ASB14: variants seen among roughly 807,000 people sequenced by gnomAD.
ASB14 encodes the protein ankyrin repeat and SOCS box containing 14, also known as ankyrin repeat and SOCS box protein 14.
In ASB14, 63 loss-of-function variants were observed where a neutral mutation model predicts 55.6. The observed-to-expected ratio is 1.13, with a 90% CI of 0.92 to 1.40. The LOEUF (loss-of-function observed/expected upper bound fraction) is 1.40. Among genes scored for constraint, ASB14 ranks in the 40% most tolerant of loss-of-function variants. The pLI is 0.00. For synonymous variants in ASB14, 256 were observed against 259.9 expected, an observed-to-expected ratio of 0.98 and a Z score of 0.15; for missense variants, 724 against 710.4, an observed-to-expected ratio of 1.02 and a Z score of -0.22.
At chr3:57,291,612 A>T (rs922211365) in intron 2 of ASB14, among the ~76,000 whole-genome samples, 1 of 151,970 alleles carries the variant, frequency 6.6e-6, no homozygotes, top group African/African-American at 2.4e-5. Context: ...CAAAGACAAG[A>T]TGTATTAGTT....
At chr3:57,283,095 T>G in intron 6 of ASB14, 99 bp downstream of exon 6, 3 of 1,422,854 alleles carry the variant, frequency 2.1e-6, no homozygotes, top group Non-Finnish European at 2.8e-6. Context: ...ATATTAGGCT[T>G]AAATGTTAAC....
intron 5 of ASB14, among the ~76,000 whole-genome samples, chr3:57,286,339 G>C (rs888945546): frequency 1.3e-5 from 2 of 151,448 alleles, no homozygotes; most frequent in Admixed American, 1.3e-4. Flanking sequence ...AAGTAGAAAA[G>C]TTTAATTCCA....
rs113323159 is a variant in ASB14 at position 57,289,523 on chromosome 3, A to C, written c.123-400T>G. Among the ~76,000 whole-genome samples the C allele has an allele frequency of 9.8e-3, 1,497 of 152,298 alleles. 17 individuals are homozygous for C. Among genetic ancestry groups the C allele is most frequent in the African/African-American group, 0.034 (1,427 of 41,562 alleles). On this transcript the variant is annotated intron_variant, in intron 2 of 10. Coordinates refer to ENST00000487349, the MANE Select transcript of ASB14 (RefSeq NM_001142733.3). ...ATTCTAGCAGAAACTATTTTAAAAAATAGTAAATAAAAATGGTGTCAGTAT... is the reference window on the plus strand; with the variant it reads ...ATTCTAGCAGAAACTATTTTAAAAACTAGTAAATAAAAATGGTGTCAGTAT...
chr3:57,275,630 G>A (rs2060979678), intron 10 of ASB14, among the ~76,000 whole-genome samples: 1 of 152,130 alleles, frequency 6.6e-6, no homozygotes, highest in African/African-American at 2.4e-5. Flanking sequence ...TGCATGTACA[G>A]TTGTATGTTG....
At chr3:57,279,036 C>G in intron 7 of ASB14, 116 bp from the exon 8 acceptor site, 1 of 959,096 alleles carries the variant, frequency 1.0e-6, no homozygotes, top group South Asian at 1.8e-5. Context: ...GCATTTAGAA[C>G]CCACAACCAA....
chr3:57,277,733 T>C (rs2061001130), intron 9 of ASB14, 34 bp downstream of exon 9: 1 of 1,559,480 alleles, frequency 6.4e-7, no homozygotes, highest in East Asian at 2.3e-5. Flanking sequence ...ATTAGTACTT[T>C]TGTAAAAAGT....
At chr3:57,290,054 C>T (rs1423923309) in intron 2 of ASB14, among the ~76,000 whole-genome samples, 1 of 152,160 alleles carries the variant, frequency 6.6e-6, no homozygotes, top group African/African-American at 2.4e-5. Context: ...AACATTTAAA[C>T]CTGCATTCAT....
chr3:57,277,979 T>A, intron 8 of ASB14, 59 bp from the exon 9 acceptor site: 1 of 1,462,734 alleles, frequency 6.8e-7, no homozygotes, highest in Non-Finnish European at 9.4e-7. Context: ...TATCTATGGT[T>A]TAGCATAGTA....
rs149757327 is a variant in ASB14, at chr3:57,279,007, TAGTATC to T, written c.888-93_888-88del. On this transcript the variant is annotated intron_variant, in intron 7 of 10. Coordinates refer to ENST00000487349, the MANE Select transcript of ASB14 (RefSeq NM_001142733.3). Reference sequence around the variant, plus strand: ...ATTATTGTTTTATAGCAATACTAGATAGTATCAGTATTCAGGGGGCATTTAGAACCC... The same window carrying T: ...ATTATTGTTTTATAGCAATACTAGATAGTATTCAGGGGGCATTTAGAACCC... The T allele has an allele frequency of 1.5e-3, 1,900 of 1,271,192 alleles. 18 individuals are homozygous for T. In the African/African-American group the frequency reaches 0.023, roughly 15 times the overall value. The allele number at this position is 1,271,192 out of a possible 1,614,324, so 78.7% of individuals were successfully genotyped here.
At chr3:57,276,874 T>G (rs2060993329) in intron 9 of ASB14, 146 bp from the exon 10 acceptor site, 1 of 709,816 alleles carries the variant, frequency 1.4e-6, no homozygotes, top group Non-Finnish European at 2.3e-6. Flanking sequence ...CAGTTCTTAT[T>G]GCAATCCTTG....
chr3:57,274,942 C>CTATT (rs745361608), intron 10 of ASB14, among the ~76,000 whole-genome samples: 37 of 152,136 alleles, frequency 2.4e-4, no homozygotes, highest in Non-Finnish European at 4.9e-4. Flanking sequence ...ATTGAGGGTT[C>CTATT]TATTTCAATT....
intron 5 of ASB14, among the ~76,000 whole-genome samples, chr3:57,284,122 G>GTGTGTGTGTGTGTGTGTGTA (rs945228754): frequency 2.7e-5 from 4 of 150,708 alleles, no homozygotes; most frequent in Non-Finnish European, 4.4e-5. Context: ...GTGTGTGTGT[G>GTGTGTGTGTGTGTGTGTGTA]TGTATGTATG....
chr3:57,279,163 T>C (rs1298092257), intron 7 of ASB14, among the ~76,000 whole-genome samples: 1 of 151,800 alleles, frequency 6.6e-6, no homozygotes, highest in Non-Finnish European at 1.5e-5. Flanking sequence ...TCCCATATTG[T>C]CTAAGTACCT....
rs886963636 is a variant in ASB14 at position 57,287,918 on chromosome 3, T to C, written c.452A>G (p.Asn151Ser). 4.5e-5 allele frequency: 69 copies of C among 1,537,076 alleles called. No individual in the cohort carries two copies. The highest frequency in any genetic ancestry group is 5.6e-5 in the Non-Finnish European group (64 of 1,146,870). Residue 151 changes from asparagine (N) to serine (S), a missense_variant, in exon 5 of 11, where the codon AAT becomes AGT. Coordinates refer to ENST00000487349, the MANE Select transcript of ASB14 (RefSeq NM_001142733.3). ...TCATTTACCTGCAAGAAGAGGAGAA[T>C]TGCCTTCGAAATTCTTAGCATTTGG... The part of the protein sequence containing the change: ...CNPNAKNFEG[N>S]SPLLAAVLRD...
At chr3:57,286,262 C>G (rs1183125365) in intron 5 of ASB14, among the ~76,000 whole-genome samples, 1 of 149,948 alleles carries the variant, frequency 6.7e-6, no homozygotes, top group African/African-American at 2.4e-5. Flanking sequence ...TGAGTCTTCC[C>G]TAGTGACTTG....
chr3:57,270,938 T>A (rs2060933450), intron 10 of ASB14: 1 of 152,174 alleles, frequency 6.6e-6, no homozygotes, highest in Admixed American at 6.5e-5. Context: ...CTATTGTTTA[T>A]GTTAAACCTT....
At position 57,269,628 on chromosome 3, in the gene ASB14, A is replaced by G. The variant is rs749126134; in HGVS notation, c.*23-10T>C. ...GGGGCAGTTTGTTGTCCTTAGCAGT[A>G]GCCAGTCAGAAGAGAGTGATTTGGG... On this transcript the variant is annotated splice_polypyrimidine_tract_variant and intron_variant, in intron 10 of 10. Transcript: ENST00000487349. 6 of 1,614,140 alleles carry G rather than the reference A, an allele frequency of 3.7e-6. No individual in the cohort carries two copies. Among genetic ancestry groups the G allele is most frequent in the Non-Finnish European group, 5.1e-6 (6 of 1,180,002 alleles).
In ASB14 at chr3:57,288,058, A is replaced by C. The variant is rs553625863; in HGVS notation, c.312T>G (p.Ala104=). The C allele has an allele frequency of 7.8e-6, 12 of 1,537,200 alleles. No homozygotes were observed. The Admixed American group carries it at 7.8e-5, about 10-fold the overall frequency. ...NRKILEITLS[A]SDPSLWEQTT... ...TTTGCTCCCACAGACTGGGGTCTGA[A>C]GCTGAAATAAATTCATCATACCACA... The change falls in exon 5 of 11, where the codon GCT becomes GCG. Residue 104 remains alanine, a splice_region_variant and synonymous_variant. Transcript: ENST00000487349.
At chr3:57,274,599 A>G (rs1453541333) in intron 10 of ASB14, among the ~76,000 whole-genome samples, 1 of 152,224 alleles carries the variant, frequency 6.6e-6, no homozygotes, top group Non-Finnish European at 1.5e-5. Context: ...AGACATGAGA[A>G]TCTCTGGAAC....
Sources: gnomAD v4.1 joint callset for allele counts (sites outside exome capture counted in the v4.1 genomes callset) on GRCh38, gnomAD v4.1.1 for gene constraint, MANE v1.5 for transcripts, NCBI Gene and HGNC (gene_info 2026-07-23, HGNC 2026-07-21) for gene names.